DPP10: variants seen among roughly 807,000 people sequenced by gnomAD.
The protein encoded by DPP10 is dipeptidyl peptidase like 10.
In DPP10, 33 loss-of-function variants were observed where a neutral mutation model predicts 120.9. The observed-to-expected ratio is 0.27, with a 90% CI of 0.21 to 0.37. DPP10 has a LOEUF of 0.37. Among genes scored for constraint, DPP10 ranks in the 10% least tolerant of loss-of-function variants. The pLI, the probability that DPP10 is intolerant of heterozygous loss-of-function variation, is 1.00. For synonymous variants in DPP10, 337 were observed against 326.1 expected, an observed-to-expected ratio of 1.03 and a Z score of -0.36; for missense variants, 816 against 942.8, an observed-to-expected ratio of 0.87 and a Z score of 1.76.
chr2:114,481,122 G>T (rs552519234), intron 1 of DPP10, among the ~76,000 whole-genome samples: 17 of 151,732 alleles, frequency 1.1e-4, no homozygotes, highest in African/African-American at 3.6e-4. Context: ...GAACAAATGA[G>T]AAATGTACTA....
chr2:114,835,410 A>T (rs984808917), intron 1 of DPP10: 1 of 152,120 alleles, frequency 6.6e-6, no homozygotes, highest in Non-Finnish European at 1.5e-5. Flanking sequence ...TTACACACCT[A>T]TGTATATATA....
intron 1 of DPP10, among the ~76,000 whole-genome samples, chr2:114,451,795 AC>A (rs1678293484): frequency 1.3e-5 from 2 of 152,250 alleles, no homozygotes; most frequent in South Asian, 4.1e-4. Flanking sequence ...CAGTTCTATG[AC>A]CCTGGGAATC....
At chr2:114,577,488 A>G (rs1178747688) in intron 1 of DPP10, among the ~76,000 whole-genome samples, 1 of 152,198 alleles carries the variant, frequency 6.6e-6, no homozygotes, top group Non-Finnish European at 1.5e-5. Flanking sequence ...GGTCCATAGA[A>G]AGTCAGAGCT....
At chr2:115,252,194 ACT>A (rs1363682477) in intron 1 of DPP10, among the ~76,000 whole-genome samples, 3 of 152,162 alleles carry the variant, frequency 2.0e-5, no homozygotes, top group African/African-American at 4.8e-5. Flanking sequence ...CTTAGTAGAT[ACT>A]CTCGTGAATT....
intron 7 of DPP10, among the ~76,000 whole-genome samples, chr2:115,697,126 T>G (rs1248645675): frequency 6.6e-6 from 1 of 152,050 alleles, no homozygotes; most frequent in Non-Finnish European, 1.5e-5. Flanking sequence ...ATTCTACTAT[T>G]AAAAATTAAA....
intron 1 of DPP10, among the ~76,000 whole-genome samples, chr2:115,135,500 A>G (rs2050606873): frequency 6.6e-6 from 1 of 152,316 alleles, no homozygotes; most frequent in Non-Finnish European, 1.5e-5. Flanking sequence ...AGGCCTCAGC[A>G]TTATGAGTGC....
chr2:114,509,036 AAG>A (rs748526460), intron 1 of DPP10, among the ~76,000 whole-genome samples: 1 of 151,508 alleles, frequency 6.6e-6, no homozygotes, highest in African/African-American at 2.4e-5. Flanking sequence ...GAGAGAGAGA[AAG>A]AGAGAGAGAG....
intron 3 of DPP10, among the ~76,000 whole-genome samples, chr2:115,401,580 C>T (rs2068078389): frequency 6.6e-6 from 1 of 151,952 alleles, no homozygotes; most frequent in South Asian, 2.1e-4. Context: ...GACACCCTGC[C>T]TGTAAAAATA....
At chr2:115,118,063 C>G (rs2049615901) in intron 1 of DPP10, among the ~76,000 whole-genome samples, 1 of 152,274 alleles carries the variant, frequency 6.6e-6, no homozygotes, top group African/African-American at 2.4e-5. Flanking sequence ...AAAACCTATC[C>G]CTTCTCTGAG....
intron 1 of DPP10, among the ~76,000 whole-genome samples, chr2:114,614,095 C>G (rs535324314): frequency 2.0e-5 from 3 of 151,938 alleles, no homozygotes; most frequent in African/African-American, 7.2e-5. Flanking sequence ...TGTAAAAAAC[C>G]GGCACATTCT....
At chr2:114,520,435 C>A (rs1309519874) in intron 1 of DPP10, among the ~76,000 whole-genome samples, 2 of 152,156 alleles carry the variant, frequency 1.3e-5, no homozygotes, top group Non-Finnish European at 2.9e-5. Context: ...TGCAAGAATG[C>A]CACCACTTTT....
chr2:114,620,635 A>C (rs1465262521), intron 1 of DPP10, among the ~76,000 whole-genome samples: 3 of 152,008 alleles, frequency 2.0e-5, no homozygotes, highest in African/African-American at 7.2e-5. Context: ...TGCAATATCT[A>C]TTTGGTTTTA....
intron 1 of DPP10, among the ~76,000 whole-genome samples, chr2:115,152,270 G>A (rs1196173893): frequency 6.6e-6 from 1 of 152,200 alleles, no homozygotes; most frequent in Non-Finnish European, 1.5e-5. Context: ...GTAAATGAAT[G>A]AGAGTAGCTA....
At chr2:115,087,945 C>G (rs193245502) in intron 1 of DPP10, among the ~76,000 whole-genome samples, 1 of 152,148 alleles carries the variant, frequency 6.6e-6, no homozygotes, top group Admixed American at 6.5e-5. Context: ...ATACCATAGA[C>G]TTGGTGGCTT....
intron 5 of DPP10, among the ~76,000 whole-genome samples, chr2:115,672,270 A>G (rs1021287004): frequency 6.6e-6 from 1 of 152,062 alleles, no homozygotes; most frequent in African/African-American, 2.4e-5. Flanking sequence ...TGGTTAATTA[A>G]TTTGGTATCT....
At chr2:114,951,137 A>T (rs1697754254) in intron 1 of DPP10, among the ~76,000 whole-genome samples, 1 of 152,208 alleles carries the variant, frequency 6.6e-6, no homozygotes, top group Admixed American at 6.5e-5. Context: ...GAGAGTATGT[A>T]TTAGAAAGCG....
At chr2:114,444,470 C>T (rs1015672737) in intron 1 of DPP10, among the ~76,000 whole-genome samples, 1 of 152,096 alleles carries the variant, frequency 6.6e-6, no homozygotes, top group Non-Finnish European at 1.5e-5. Flanking sequence ...CATTTATTTT[C>T]CCTTTTCTTT....
intron 2 of DPP10, among the ~76,000 whole-genome samples, chr2:115,326,602 T>A (rs2062379701): frequency 1.3e-5 from 2 of 152,018 alleles, no homozygotes; most frequent in African/African-American, 4.8e-5. Flanking sequence ...GCACCTTATT[T>A]ACCCTGAAGA....
intron 3 of DPP10, among the ~76,000 whole-genome samples, chr2:115,365,868 G>T (rs2065048911): frequency 6.6e-6 from 1 of 152,070 alleles, no homozygotes; most frequent in East Asian, 1.9e-4. Context: ...GATGACTATG[G>T]TTTGTCTCAA....
Sources: gnomAD v4.1 joint callset for allele counts (sites outside exome capture counted in the v4.1 genomes callset) on GRCh38, gnomAD v4.1.1 for gene constraint, MANE v1.5 for transcripts, NCBI Gene and HGNC (gene_info 2026-07-23, HGNC 2026-07-21) for gene names.